NT5C2: variants seen among roughly 807,000 people sequenced by gnomAD.
The protein encoded by NT5C2 is 5'-nucleotidase, cytosolic II.
Under a neutral mutation model 76.1 loss-of-function variants are expected in NT5C2, and 58 were observed. The ratio of observed to expected loss-of-function variants is 0.76; its 90% CI spans 0.62 to 0.95. NT5C2 has a LOEUF of 0.95. NT5C2 is among the 40% of genes least tolerant of loss of function. The pLI, the probability that NT5C2 is intolerant of heterozygous loss-of-function variation, is 0.00. For synonymous variants in NT5C2, 229 were observed against 237.4 expected, an observed-to-expected ratio of 0.96 and a Z score of 0.32; for missense variants, 478 against 690.3, an observed-to-expected ratio of 0.69 and a Z score of 3.45.
At chr10:103,091,435 TC>T (rs2066854132) in intron 16 of NT5C2, 128 bp downstream of exon 16, 2 of 703,648 alleles carry the variant, frequency 2.8e-6, no homozygotes, top group Non-Finnish European at 5.0e-6. Flanking sequence ...AACCTCCATT[TC>T]CCCGGTTCAA....
chr10:103,107,223 A>G (rs989403239), intron 4 of NT5C2, among the ~76,000 whole-genome samples: 2 of 152,214 alleles, frequency 1.3e-5, no homozygotes, highest in South Asian at 2.1e-4. Context: ...GCCTTCTCCA[A>G]TCAACATATT....
intron 4 of NT5C2, among the ~76,000 whole-genome samples, chr10:103,110,093 T>C (rs762640471): frequency 1.3e-5 from 2 of 152,184 alleles, no homozygotes; most frequent in Non-Finnish European, 2.9e-5. Context: ...ATATAGCAAG[T>C]ACAAACATCA....
chr10:103,183,291 A>ATATATTATATATATATATATC lies in NT5C2; in HGVS notation c.-168-1964_-168-1963insGATATATATATATATAATATA, dbSNP rs1554841794. ...TATATATATATATATATATATATAT[A>ATATATTATATATATATATATC]TATCACACACTCCTTCCCTCCCCTC... On this transcript the variant is annotated intron_variant, in intron 1 of 18. Transcript: ENST00000404739. Among the ~76,000 whole-genome samples, 25 of 128,130 alleles carry ATATATTATATATATATATATC rather than the reference A, an allele frequency of 2.0e-4. 1 individual carries two copies. In the South Asian group the frequency reaches 3.6e-3, roughly 18 times the overall value. The allele number at this position is 128,130 out of a possible 152,430, so 84.1% of individuals were successfully genotyped here. A position where few individuals can be genotyped will look rare whatever the true frequency, so the allele number is the denominator to read the frequency against.
chr10:103,182,497 T>C (rs1270715918), intron 1 of NT5C2, among the ~76,000 whole-genome samples: 4 of 151,942 alleles, frequency 2.6e-5, no homozygotes, highest in Non-Finnish European at 4.4e-5. Flanking sequence ...TAGCCAGGCG[T>C]GGTGGCAGGC....
At chr10:103,111,343 A>T (rs2072977476) in intron 4 of NT5C2, among the ~76,000 whole-genome samples, 1 of 152,236 alleles carries the variant, frequency 6.6e-6, no homozygotes. Flanking sequence ...TGCTTCAGCC[A>T]CTAGGACAGC....
chr10:103,170,779 G>T (rs575640054), intron 3 of NT5C2, among the ~76,000 whole-genome samples: 31 of 151,678 alleles, frequency 2.0e-4, no homozygotes, highest in African/African-American at 7.5e-4. Flanking sequence ...CGCCTGGCTC[G>T]GCCTCCCAAA....
chr10:103,133,078 C>G (rs1565122878), intron 4 of NT5C2, among the ~76,000 whole-genome samples: 1 of 152,168 alleles, frequency 6.6e-6, no homozygotes, highest in Non-Finnish European at 1.5e-5. Flanking sequence ...AATTGAATCA[C>G]AGGGGTGTGT....
chr10:103,149,329 TTTAAAGCACACTTTAAGGAGATTCATCA>T (rs1175054596), intron 3 of NT5C2, among the ~76,000 whole-genome samples: 2 of 152,214 alleles, frequency 1.3e-5, no homozygotes, highest in Non-Finnish European at 2.9e-5. Flanking sequence ...CAGCAAAGAT[TTTAAAGCACACTTTAAGGAGATTCATCA>T]AAAATATTTA....
At chr10:103,128,275 C>G (rs572448514) in intron 4 of NT5C2, among the ~76,000 whole-genome samples, 11 of 147,292 alleles carry the variant, frequency 7.5e-5, no homozygotes, top group South Asian at 6.5e-4. Context: ...CTGTGTTGGC[C>G]GGGCCGGTCT....
intron 4 of NT5C2, among the ~76,000 whole-genome samples, chr10:103,119,309 C>T (rs774524215): frequency 3.3e-5 from 5 of 152,118 alleles, no homozygotes; most frequent in Admixed American, 1.3e-4. Flanking sequence ...GCAGAGGTTG[C>T]GGTGAGCTGA....
chr10:103,094,750 C>T (rs574636683), intron 12 of NT5C2, among the ~76,000 whole-genome samples: 3 of 151,870 alleles, frequency 2.0e-5, no homozygotes, highest in East Asian at 1.9e-4. Context: ...GGCGTGGTGG[C>T]GGGCGCCTGT....
intron 12 of NT5C2, 21 bp from the exon 13 acceptor site, chr10:103,094,476 A>G (rs1353149194): frequency 1.1e-5 from 15 of 1,363,700 alleles, no homozygotes; most frequent in Admixed American, 5.1e-5. Flanking sequence ...AGAAACAGCA[A>G]AAGTTGAAAC....
intron 4 of NT5C2, among the ~76,000 whole-genome samples, chr10:103,132,407 T>C (rs1385673467): frequency 2.6e-5 from 4 of 152,160 alleles, no homozygotes; most frequent in East Asian, 1.9e-4. Context: ...ACAAAGTCCA[T>C]AGTTCAACTA....
intron 3 of NT5C2, among the ~76,000 whole-genome samples, chr10:103,151,046 G>C (rs566534456): frequency 6.6e-6 from 1 of 152,220 alleles, no homozygotes; most frequent in South Asian, 2.1e-4. Flanking sequence ...GGGTCACAAA[G>C]ATTATATTCA....
chr10:103,138,444 C>CG (rs1266162092), intron 4 of NT5C2, among the ~76,000 whole-genome samples: 2 of 152,094 alleles, frequency 1.3e-5, no homozygotes, highest in Non-Finnish European at 2.9e-5. Context: ...TCTCACCCCC[C>CG]GACAAGCCTC....
At chr10:103,150,835 G>A (rs975468878) in intron 3 of NT5C2, among the ~76,000 whole-genome samples, 16 of 152,104 alleles carry the variant, frequency 1.1e-4, no homozygotes, top group Admixed American at 6.5e-4. Context: ...AGAGTTCTTC[G>A]TATATTTTGG....
intron 3 of NT5C2, chr10:103,169,493 C>T (rs185146506): frequency 5.9e-5 from 9 of 152,114 alleles, no homozygotes; most frequent in Admixed American, 2.0e-4. Flanking sequence ...GTGGTACACG[C>T]CTGTAGTCCC....
At chr10:103,179,645 T>A (rs1184334172) in intron 2 of NT5C2, among the ~76,000 whole-genome samples, 1 of 152,092 alleles carries the variant, frequency 6.6e-6, no homozygotes, top group Non-Finnish European at 1.5e-5. Context: ...GAGGCTGCAG[T>A]GAGCTATAAT....
intron 1 of NT5C2, among the ~76,000 whole-genome samples, chr10:103,187,820 A>G (rs1038452799): frequency 1.3e-5 from 2 of 152,212 alleles, no homozygotes; most frequent in Non-Finnish European, 2.9e-5. Flanking sequence ...TTTTTCAAGG[A>G]TAGTCAAATA....
Sources: allele counts gnomAD v4.1 joint callset (sites outside exome capture counted in the v4.1 genomes callset), GRCh38; gene constraint gnomAD v4.1.1; transcripts MANE v1.5; gene names NCBI Gene and HGNC (gene_info 2026-07-23, HGNC 2026-07-21).